The following ZSCAN5C variants were observed in gnomAD, a reference collection of about 807,000 sequenced individuals.
The protein encoded by ZSCAN5C is zinc finger and SCAN domain-containing protein 5C.
ZSCAN5C carries 11 observed loss-of-function variants against 17.3 expected under a neutral mutation model. The ratio of observed to expected loss-of-function variants is 0.64; its 90% confidence interval spans 0.40 to 1.06. The LOEUF (loss-of-function observed/expected upper bound fraction) is 1.06, where lower values mean the gene tolerates loss of function less well. Among genes scored for constraint, ZSCAN5C ranks in the 50% least tolerant of loss-of-function variants. The probability of loss-of-function intolerance (pLI) is 0.00; values close to 1 mark genes in which losing one functional copy is unlikely to be tolerated. For missense variants in ZSCAN5C, 698 were observed against 538.9 expected (o/e 1.30, Z -2.92); for synonymous variants, 229 against 208.4 (o/e 1.10, Z -0.85).
intron 1 of ZSCAN5C, among the ~76,000 whole-genome samples, chr19:56,205,122 G>C (rs1367367741): frequency 6.6e-6 from 1 of 151,746 alleles, no homozygotes; most frequent in African/African-American, 2.4e-5. Context: ...TTCCTTTTAG[G>C]GTGATGAGAT....
At chr19:56,207,165 A>G in exon 3 of ZSCAN5C, 1 of 778,904 alleles carries the variant, frequency 1.3e-6, no homozygotes, top group East Asian at 2.4e-5. Flanking sequence ...GTGTCCAGCC[A>G]GCGGACCTCC....
At chr19:56,207,820 G>A (rs1478891078) in intron 3 of ZSCAN5C, among the ~76,000 whole-genome samples, 1 of 151,824 alleles carries the variant, frequency 6.6e-6, no homozygotes, top group Non-Finnish European at 1.5e-5. Flanking sequence ...GTGGTGCCAG[G>A]GGTTAGGGGC....
chr19:56,207,447 C>T (rs565539649), intron 3 of ZSCAN5C, among the ~76,000 whole-genome samples, 185 bp downstream of exon 3: 8 of 150,528 alleles, frequency 5.3e-5, no homozygotes, highest in East Asian at 2.0e-4. Flanking sequence ...ATCTACTTTT[C>T]TCTCCACCAT....
chr19:56,206,551 A>T (rs1395561895), intron 2 of ZSCAN5C, among the ~76,000 whole-genome samples: 1 of 151,948 alleles, frequency 6.6e-6, no homozygotes, highest in African/African-American at 2.4e-5. Context: ...CCAGATTCCA[A>T]TATCAGCTGT....
intron 1 of ZSCAN5C, among the ~76,000 whole-genome samples, chr19:56,204,159 C>T (rs1431587766): frequency 6.6e-6 from 1 of 151,564 alleles, no homozygotes; most frequent in East Asian, 1.9e-4. Context: ...TTCAACCCTC[C>T]CTCCCTCTAT....
chr19:56,207,410 C>T, intron 3 of ZSCAN5C, 148 bp downstream of exon 3: 1 of 559,710 alleles, frequency 1.8e-6, no homozygotes. Flanking sequence ...ACATTCATTC[C>T]TGAGCCATCA....
intron 1 of ZSCAN5C, among the ~76,000 whole-genome samples, chr19:56,203,483 A>G (rs1333329086): frequency 2.0e-5 from 3 of 151,744 alleles, no homozygotes; most frequent in Non-Finnish European, 4.4e-5. Flanking sequence ...CAATTATACA[A>G]TACATTGTTA....
At chr19:56,207,195 C>T (rs545734392) in exon 3 of ZSCAN5C, 13 of 777,858 alleles carry the variant, frequency 1.7e-5, no homozygotes, top group Admixed American at 3.4e-5. Context: ...CAGATGTGTC[C>T]GGAGGAAGGC....
In ZSCAN5C at chr19:56,207,790, G is replaced by A. The variant is rs375580769; in HGVS notation, c.589-244G>A. Among the ~76,000 whole-genome samples the A allele has an allele frequency of 2.0e-4, 30 of 151,904 alleles. No individual in the cohort carries two copies. In the East Asian group the frequency reaches 3.1e-3, roughly 16 times the overall value. On this transcript the variant is annotated intron_variant, in intron 3 of 4. Transcript: ENST00000534327. ...GCACAGGAGCGCCCCCTCCAGGAGG[G>A]TGATGCAGCCCCAATGCCAGTGGTG...
chr19:56,205,811 T>C, exon 2 of ZSCAN5C: 1 of 608,872 alleles, frequency 1.6e-6, no homozygotes. Flanking sequence ...AGTGAATCTA[T>C]TACTGAGAAA....
Position 56,207,269 on chromosome 19 carries a change from G to T in ZSCAN5C, c.588+7G>T, listed in dbSNP as rs767636081. On this transcript the variant is annotated splice_region_variant and intron_variant, in intron 3 of 4. Coordinates refer to ENST00000534327, the Ensembl canonical transcript of ZSCAN5C. ...TGCACTGTTCAGGAGGCAGGTGGGT[G>T]TGTGAGGCCTTGGTGTCTGGGCAGA... 1.3e-6 allele frequency: 1 copy of T among 773,422 alleles called. No homozygotes were observed. The highest frequency in any genetic ancestry group is 1.7e-5 in the Admixed American group (1 of 58,448). 47.9% of individuals were successfully genotyped at this position (773,422 alleles called of 1,614,324 possible). A position where few individuals can be genotyped will look rare whatever the true frequency, so the allele number is the denominator to read the frequency against.
At chr19:56,206,712 G>C (rs944967581) in intron 2 of ZSCAN5C, among the ~76,000 whole-genome samples, 2 of 151,702 alleles carry the variant, frequency 1.3e-5, no homozygotes, top group African/African-American at 2.4e-5. Flanking sequence ...TGAACTGAAG[G>C]GGGGCCCAGA....
chr19:56,205,958 C>T (rs748411820), exon 2 of ZSCAN5C: 4 of 1,433,352 alleles, frequency 2.8e-6, no homozygotes, highest in Admixed American at 3.3e-5. Flanking sequence ...GAGAATCCTG[C>T]AACAGCCCTG....
rs200501867 is a variant in ZSCAN5C at position 56,207,128 on chromosome 19, G to A, written c.454G>A (p.Ala152Thr). ...AGATGTGGAGATGGCTGAAGCCCCC[G>A]CCAGTGTCAGAGATGATCCGAGACA... Residue 152 changes from alanine (A) to threonine (T), a missense_variant, in exon 3 of 5, where the codon GCC becomes ACC. By Grantham distance (58) the Ala-to-Thr change is moderately conservative. This residue lies in a region of ZSCAN5C where 554 missense variants were observed against 390.5 expected (regional missense o/e 1.42). Transcript: ENST00000534327. 3,237 of 774,286 alleles carry A rather than the reference G, an allele frequency of 4.2e-3. 18 individuals are homozygous for A. The highest frequency in any genetic ancestry group is 5.9e-3 in the Non-Finnish European group (2,460 of 417,502). 48.0% of individuals were successfully genotyped at this position (774,286 alleles called of 1,614,324 possible).
exon 2 of ZSCAN5C, chr19:56,206,029 A>T: frequency 6.2e-7 from 1 of 1,613,252 alleles, no homozygotes; most frequent in Non-Finnish European, 8.5e-7. Flanking sequence ...CATGACAGTG[A>T]TCCTGAGACT....
intron 1 of ZSCAN5C, 77 bp from the exon 2 acceptor site, chr19:56,205,710 A>G (rs1292997880): frequency 7.3e-6 from 4 of 547,204 alleles, no homozygotes; most frequent in Non-Finnish European, 1.3e-5. Context: ...GGGGTCTGGG[A>G]TTGGGATGAG....
chr19:56,209,394 G>T, downstream of ZSCAN5C: 1 of 505,658 alleles, frequency 2.0e-6, no homozygotes, highest in Non-Finnish European at 3.5e-6. Context: ...TATTTCTATT[G>T]TTTTAGGTTT....
chr19:56,204,160 C>T (rs1322369852), intron 1 of ZSCAN5C, among the ~76,000 whole-genome samples: 1 of 151,674 alleles, frequency 6.6e-6, no homozygotes, highest in African/African-American at 2.4e-5. Flanking sequence ...TCAACCCTCC[C>T]TCCCTCTATC....
At chr19:56,202,401 GGTTGGTTTCAGAAAGATTTGGGTTGGGGT>G (rs1280259356) in intron 1 of ZSCAN5C, 79 bp downstream of exon 1, 1 of 149,798 alleles carries the variant, frequency 6.7e-6, no homozygotes, top group Non-Finnish European at 1.5e-5. Flanking sequence ...TGGATTGAGG[GGTTGGTTTCAGAAAGATTTGGGTTGGGGT>G]GTTGGTTTCA....
Sources: allele counts gnomAD v4.1 joint callset (sites outside exome capture counted in the v4.1 genomes callset), GRCh38; gene constraint gnomAD v4.1.1; regional missense constraint gnomAD v4.1.1; transcripts MANE v1.5; gene names NCBI Gene and HGNC (gene_info 2026-07-23, HGNC 2026-07-21).